CTDSPL2: variants seen among roughly 807,000 people sequenced by gnomAD.
The protein encoded by CTDSPL2 is CTD small phosphatase-like protein 2.
CTDSPL2 carries 5 observed loss-of-function variants against 60.0 expected under a neutral mutation model. The ratio of observed to expected loss-of-function variants is 0.08; its 90% CI spans 0.04 to 0.18. The LOEUF (loss-of-function observed/expected upper bound fraction) is 0.18. Among genes scored for constraint, CTDSPL2 ranks in the 10% least tolerant of loss-of-function variants. The pLI is 1.00. For missense variants in CTDSPL2, 370 were observed against 548.8 expected (o/e 0.67, Z 3.26); for synonymous variants, 186 against 189.3 (o/e 0.98, Z 0.14).
chr15:44,443,811 T>A (rs1472787712), intron 1 of CTDSPL2, among the ~76,000 whole-genome samples: 1 of 152,202 alleles, frequency 6.6e-6, no homozygotes, highest in Non-Finnish European at 1.5e-5. Flanking sequence ...AGATAAGAAC[T>A]TCTTAAGAGA....
chr15:44,454,918 T>G (rs1442473217), intron 1 of CTDSPL2, among the ~76,000 whole-genome samples: 1 of 152,230 alleles, frequency 6.6e-6, no homozygotes. Flanking sequence ...GGGCTCTTTT[T>G]TGGTTCCATA....
chr15:44,455,682 G>A (rs1439480226), intron 1 of CTDSPL2, among the ~76,000 whole-genome samples: 2 of 152,000 alleles, frequency 1.3e-5, no homozygotes, highest in Admixed American at 6.6e-5. Flanking sequence ...AGATAATCAT[G>A]TGGTTTTTGT....
At chr15:44,461,573 CTTTTTT>C (rs35540014) in intron 2 of CTDSPL2, among the ~76,000 whole-genome samples, 1 of 125,668 alleles carries the variant, frequency 8.0e-6, no homozygotes, top group African/African-American at 3.0e-5. Context: ...GTTTCTCTCC[CTTTTTT>C]TTTTTTTTTT....
At chr15:44,475,283 A>G (rs574241741) in intron 2 of CTDSPL2, among the ~76,000 whole-genome samples, 20 of 152,286 alleles carry the variant, frequency 1.3e-4, no homozygotes, top group Non-Finnish European at 2.4e-4. Flanking sequence ...ACTATCTACT[A>G]TGCAAAGATT....
intron 1 of CTDSPL2, 183 bp downstream of exon 1, chr15:44,427,955 T>A: frequency 3.0e-6 from 1 of 338,756 alleles, no homozygotes; most frequent in Non-Finnish European, 5.3e-6. Flanking sequence ...TGTCTGGACT[T>A]TCCCCTGGGA....
At position 44,527,273 on chromosome 15, in the gene CTDSPL2, T is replaced by G. The variant is rs1333313545; in HGVS notation, c.*3099T>G. 11 of 152,260 alleles carry G rather than the reference T, an allele frequency of 7.2e-5. No individual in the cohort carries two copies. The highest frequency in any genetic ancestry group is 2.4e-5 in the African/African-American group (1 of 41,206). The allele number at this position is 152,260 out of a possible 1,614,324, so 9.4% of individuals were successfully genotyped here. Reference sequence around the variant, plus strand: ...TTTTCTTGTATTTCTCTGGGTTGTTTTTTGTTTTTTTTTCCAAGGGTTAAC... The same window carrying G: ...TTTTCTTGTATTTCTCTGGGTTGTTGTTTGTTTTTTTTTCCAAGGGTTAAC... On this transcript the variant is annotated 3_prime_UTR_variant, in exon 13 of 13. Transcript: ENST00000260327.
In CTDSPL2 at chr15:44,517,502, AAG is replaced by A. The variant is rs1368941057; in HGVS notation, c.1113-1665_1113-1664del. On this transcript the variant is annotated intron_variant, in intron 10 of 12. Coordinates refer to ENST00000260327, the MANE Select transcript of CTDSPL2 (RefSeq NM_016396.3). ...CTCAAAAAAAAAAAAAGAAGAAAAA[AAG>A]AAATTCCTGTGATCTCTAAATCTCA... is the stretch of plus-strand genomic sequence containing the variant. The A allele has an allele frequency of 2.0e-5, 3 of 152,234 alleles. No individual in the cohort carries two copies. In the East Asian group the frequency reaches 5.8e-4, roughly 29 times the overall value. 9.4% of individuals were successfully genotyped at this position (152,234 alleles called of 1,614,324 possible).
intron 3 of CTDSPL2, among the ~76,000 whole-genome samples, chr15:44,485,671 G>T (rs2081105908): frequency 6.6e-6 from 1 of 152,232 alleles, no homozygotes; most frequent in Admixed American, 6.5e-5. Flanking sequence ...GTACCAGTGG[G>T]TATGGGGTTA....
intron 2 of CTDSPL2, among the ~76,000 whole-genome samples, chr15:44,467,929 G>T (rs753481279): frequency 5.3e-5 from 8 of 152,030 alleles, no homozygotes; most frequent in Non-Finnish European, 1.0e-4. Context: ...AATGGAAATC[G>T]TAACTTGGAG....
chr15:44,501,915 C>T (rs1271716234), intron 8 of CTDSPL2: 1 of 434,870 alleles, frequency 2.3e-6, no homozygotes, highest in Non-Finnish European at 4.6e-6. Flanking sequence ...AGTTTTCAGA[C>T]CAGCAAGCTC....
intron 11 of CTDSPL2, 71 bp from the exon 12 acceptor site, chr15:44,521,240 A>AT: frequency 2.7e-6 from 2 of 742,730 alleles, no homozygotes; most frequent in Admixed American, 2.6e-5. Context: ...ATCTTTGTTT[A>AT]TTTTTTAACT....
chr15:44,455,839 A>ATTT lies in CTDSPL2; in HGVS notation c.-24-3124_-24-3122dup, dbSNP rs35307134. Among the ~76,000 whole-genome samples, 163 of 47,542 alleles carry ATTT rather than the reference A, an allele frequency of 3.4e-3. 14 individuals are homozygous for ATTT. The highest frequency in any genetic ancestry group is 0.02 in the Middle Eastern group (1 of 50). The allele number at this position is 47,542 out of a possible 152,430, so 31.2% of individuals were successfully genotyped here. A position where few individuals can be genotyped will look rare whatever the true frequency, so the allele number is the denominator to read the frequency against. ...TCGGTTTGCCAGTATTTTATTGAGG[A>ATTT]TTTTTTTTTTTTTTTTTTTTTTTTT... is the stretch of plus-strand genomic sequence containing the variant. On this transcript the variant is annotated intron_variant, in intron 1 of 12. Transcript: ENST00000260327.
intron 5 of CTDSPL2, among the ~76,000 whole-genome samples, chr15:44,492,785 T>G (rs1215085072): frequency 6.6e-6 from 1 of 152,220 alleles, no homozygotes; most frequent in Admixed American, 6.5e-5. Context: ...ACAATTACGT[T>G]CATTCTTTTG....
At chr15:44,443,478 G>A (rs921193280) in intron 1 of CTDSPL2, among the ~76,000 whole-genome samples, 2 of 152,152 alleles carry the variant, frequency 1.3e-5, no homozygotes, top group East Asian at 3.8e-4. Flanking sequence ...GAACTGCCAT[G>A]CCACTTTCCA....
chr15:44,485,854 G>A (rs1192540932), intron 3 of CTDSPL2, among the ~76,000 whole-genome samples: 2 of 152,074 alleles, frequency 1.3e-5, no homozygotes, highest in Admixed American at 1.3e-4. Flanking sequence ...AATAGAGAAA[G>A]AAACAAGTTA....
At chr15:44,513,071 C>G (rs964134063) in intron 8 of CTDSPL2, among the ~76,000 whole-genome samples, 1 of 99,182 alleles carries the variant, frequency 1.0e-5, no homozygotes, top group East Asian at 3.0e-4. Flanking sequence ...GACTCCTTCT[C>G]AAAAAAAAAA....
chr15:44,499,827 T>C lies in CTDSPL2; in HGVS notation c.969+14T>C, dbSNP rs771891205. ...GTCATTTATCAGGTAATTAAAATTT[T>C]TTTGATGATTTTTGGCCTGATAGGT... On this transcript the variant is annotated intron_variant, in intron 8 of 12. Coordinates refer to ENST00000260327, the MANE Select transcript of CTDSPL2 (RefSeq NM_016396.3). 3.3e-6 allele frequency: 5 copies of C among 1,495,510 alleles called. No individual in the cohort carries two copies. Among genetic ancestry groups the C allele is most frequent in the Admixed American group, 1.7e-5 (1 of 58,296 alleles). The allele number at this position is 1,495,510 out of a possible 1,614,324, so 92.6% of individuals were successfully genotyped here. A position where few individuals can be genotyped will look rare whatever the true frequency, so the allele number is the denominator to read the frequency against.
At chr15:44,491,741 A>T (rs546710134) in intron 5 of CTDSPL2, among the ~76,000 whole-genome samples, 2 of 152,206 alleles carry the variant, frequency 1.3e-5, no homozygotes, top group Non-Finnish European at 2.9e-5. Context: ...CAGTAAATAT[A>T]TATTAGTTAA....
intron 7 of CTDSPL2, among the ~76,000 whole-genome samples, chr15:44,499,485 T>C (rs950380958): frequency 6.6e-6 from 1 of 152,158 alleles, no homozygotes; most frequent in Non-Finnish European, 1.5e-5. Context: ...GGTTAACATT[T>C]GCATTTCTAA....
Sources: allele counts gnomAD v4.1 joint callset (sites outside exome capture counted in the v4.1 genomes callset), GRCh38; gene constraint gnomAD v4.1.1; transcripts MANE v1.5; gene names NCBI Gene and HGNC (gene_info 2026-07-23, HGNC 2026-07-21).